OR7E24: variants seen among roughly 807,000 people sequenced by gnomAD.
OR7E24 encodes the protein olfactory receptor 7E24.
For synonymous variants in OR7E24, 130 were observed against 157.5 expected (o/e 0.83, Z 1.31); for missense variants, 385 against 410.3 (o/e 0.94, Z 0.53).
chr19:9,234,114 G>A, the OR7E24 span, among the ~76,000 whole-genome samples: 1 of 152,120 alleles, frequency 6.6e-6, no homozygotes, highest in Non-Finnish European at 1.5e-5. Context: ...ATGTTGGCCA[G>A]GCTGGTCTCG....
chr19:9,239,374 G>C, the OR7E24 span, among the ~76,000 whole-genome samples: 15 of 151,996 alleles, frequency 9.9e-5, no homozygotes, highest in African/African-American at 3.6e-4. Flanking sequence ...GGGCTTCACC[G>C]TGTTAGCCAG....
Position 9,251,812 on chromosome 19 carries a change from T to C in OR7E24, c.769T>C (p.Ser257Pro). The part of the protein sequence containing the change: ...PTSDGKYKAF[S>P]TCGSHLAVVC... ...ATCAGATGGGAAGTATAAAGCCTTC[T>C]CCACCTGTGGCTCTCACCTGGCAGT... Residue 257 changes from serine to proline, a missense_variant, in exon 1 of 1, where the codon TCC (serine) becomes CCC (proline). Ser to Pro is a moderately conservative substitution (Grantham distance 74). Transcript: ENST00000456448. 1 of 1,613,508 alleles carries C rather than the reference T, an allele frequency of 6.2e-7. No homozygotes were observed. The highest frequency in any genetic ancestry group is 8.5e-7 in the Non-Finnish European group (1 of 1,179,680).
Position 9,251,871 on chromosome 19 carries a change from G to T in OR7E24, c.828G>T (p.Gly276=). ...VCLFYGTGLV[G]YLSSAVLPSP... ...TATTTTATGGAACAGGGCTTGTAGG[G>T]TACCTCAGTTCAGCTGTGTTACCAT... is the stretch of plus-strand genomic sequence containing the variant. The change falls in exon 1 of 1, where the codon GGG becomes GGT. Residue 276 remains glycine (G), a synonymous_variant. Transcript: ENST00000456448. 1 of 1,614,128 alleles carries T rather than the reference G, an allele frequency of 6.2e-7. No homozygotes were observed. Among genetic ancestry groups the T allele is most frequent in the Non-Finnish European group, 8.5e-7 (1 of 1,180,008 alleles).
the OR7E24 span, among the ~76,000 whole-genome samples, chr19:9,237,899 T>G: frequency 6.6e-6 from 1 of 152,216 alleles, no homozygotes. Flanking sequence ...AAACTGAGTT[T>G]TATAGAAGCT....
chr19:9,206,743 A>G, the OR7E24 span: 1 of 152,240 alleles, frequency 6.6e-6, no homozygotes, highest in Non-Finnish European at 1.5e-5. Context: ...TTGAGGACTT[A>G]CTGTATTTCA....
rs773034285 is a variant in OR7E24 at position 9,251,528 on chromosome 19, T to C, written c.485T>C (p.Leu162Ser). Residue 162 changes from leucine (L) to serine (S), a missense_variant, in exon 1 of 1, where the codon TTA becomes TCA. Coordinates refer to ENST00000456448, the MANE Select transcript of OR7E24 (RefSeq NM_001079935.2). ...ATGAACCCACGCCTCTGTGGCTTCTTAATCTTGTTGTCTTTTTTTATTAGT... is the reference window on the plus strand; with the variant it reads ...ATGAACCCACGCCTCTGTGGCTTCTCAATCTTGTTGTCTTTTTTTATTAGT... ...IIMNPRLCGF[L>S]ILLSFFISLL... is the part of the protein sequence containing the mutation. 2 of 1,614,136 alleles carry C rather than the reference T, an allele frequency of 1.2e-6. No individual in the cohort carries two copies. Among genetic ancestry groups the C allele is most frequent in the Admixed American group, 3.3e-5 (2 of 60,012 alleles).
chr19:9,240,771 AAG>A, the OR7E24 span, among the ~76,000 whole-genome samples: 1 of 152,016 alleles, frequency 6.6e-6, no homozygotes, highest in Non-Finnish European at 1.5e-5. Context: ...GTTTTTTTCT[AAG>A]AGTTTTATGA....
the OR7E24 span, among the ~76,000 whole-genome samples, chr19:9,240,229 A>G: frequency 6.6e-6 from 1 of 152,058 alleles, no homozygotes; most frequent in Non-Finnish European, 1.5e-5. Context: ...TTCACTCTAT[A>G]GATTGTTTCT....
At chr19:9,224,521 T>G in the OR7E24 span, among the ~76,000 whole-genome samples, 2 of 152,030 alleles carry the variant, frequency 1.3e-5, no homozygotes, top group Non-Finnish European at 2.9e-5. Context: ...TTTGGGAGGC[T>G]GAGGCCAGTG....
At chr19:9,228,774 G>A in the OR7E24 span, among the ~76,000 whole-genome samples, 4 of 152,208 alleles carry the variant, frequency 2.6e-5, no homozygotes, top group African/African-American at 9.7e-5. Context: ...AGAAAATGGG[G>A]AGATGCTGGT....
chr19:9,216,874 G>C, the OR7E24 span, among the ~76,000 whole-genome samples: 1 of 152,334 alleles, frequency 6.6e-6, no homozygotes, highest in African/African-American at 2.4e-5. Flanking sequence ...TTACAGGCAT[G>C]AGCCACTGTG....
chr19:9,219,988 C>T, the OR7E24 span, among the ~76,000 whole-genome samples: 2 of 151,936 alleles, frequency 1.3e-5, no homozygotes, highest in Non-Finnish European at 2.9e-5. Context: ...TTATGGATCC[C>T]TCGGTGTTGA....
At chr19:9,246,387 AATTTGCTTATTATATC>A (rs2066130116), upstream of OR7E24, among the ~76,000 whole-genome samples, 1 of 150,718 alleles carries the variant, frequency 6.6e-6, no homozygotes, top group Admixed American at 6.6e-5. Context: ...TTATTATAGT[AATTTGCTTATTATATC>A]ATTTGCTTAT....
At chr19:9,208,868 T>G in the OR7E24 span, 2 of 151,932 alleles carry the variant, frequency 1.3e-5, no homozygotes, top group African/African-American at 4.8e-5. Flanking sequence ...ATTTTTGTAT[T>G]TTTAGTAGAG....
chr19:9,247,231 T>G, upstream of OR7E24: 1 of 369,786 alleles, frequency 2.7e-6, no homozygotes, highest in Non-Finnish European at 4.8e-6. Flanking sequence ...TATGGGGCAG[T>G]CCTTAGAGAC....
chr19:9,211,380 G>C, the OR7E24 span: 9 of 152,222 alleles, frequency 5.9e-5, no homozygotes, highest in Non-Finnish European at 1.3e-4. Context: ...AGGCTGCAAA[G>C]ATCAGCAGTT....
chr19:9,220,155 TAC>T, the OR7E24 span, among the ~76,000 whole-genome samples: 15 of 152,284 alleles, frequency 9.9e-5, no homozygotes, highest in African/African-American at 3.6e-4. Context: ...CTAATTAACA[TAC>T]GCATTATCTC....
At chr19:9,242,414 T>A (rs180766806), upstream of OR7E24, among the ~76,000 whole-genome samples, 363 of 151,218 alleles carry the variant, frequency 2.4e-3, no homozygotes, top group Non-Finnish European at 3.7e-3. Flanking sequence ...ACCTGGCTAA[T>A]TTTTTTTGTA....
the OR7E24 span, among the ~76,000 whole-genome samples, chr19:9,227,500 T>C: frequency 2.6e-5 from 4 of 152,156 alleles, no homozygotes; most frequent in East Asian, 7.7e-4. Flanking sequence ...AGTGCTGGGA[T>C]TACAGACTTG....
Sources: allele counts gnomAD v4.1 joint callset (sites outside exome capture counted in the v4.1 genomes callset), GRCh38; gene constraint gnomAD v4.1.1; transcripts MANE v1.5; gene names NCBI Gene and HGNC (gene_info 2026-07-23, HGNC 2026-07-21).